Variants in REPS2 observed in about 807,000 individuals in gnomAD.
The protein encoded by REPS2 is ralBP1-associated Eps domain-containing protein 2.
A neutral mutation model predicts 53.6 loss-of-function variants in REPS2; 23 were observed. The observed-to-expected ratio is 0.43, with a 90% confidence interval of 0.31 to 0.61. The LOEUF (loss-of-function observed/expected upper bound fraction) is 0.61, where lower values mean the gene tolerates loss of function less well. Ranked by LOEUF, REPS2 falls within the 20% of genes least tolerant of loss-of-function variation. The pLI, the probability that REPS2 is intolerant of heterozygous loss-of-function variation, is 0.11. For missense variants in REPS2, 446 were observed against 534.9 expected (o/e 0.83, Z 1.64); for synonymous variants, 238 against 218.6 (o/e 1.09, Z -0.78).
the REPS2 span, among the ~76,000 whole-genome samples, chrX:17,178,304 C>G: frequency 1.2e-4 from 13 of 112,256 alleles, no homozygotes; most frequent in Non-Finnish European, 2.3e-4. Flanking sequence ...AGCTTTTCTG[C>G]CCAGCTAATC....
chrX:17,101,155 G>A (rs1334993002), intron 13 of REPS2, among the ~76,000 whole-genome samples: 3 of 105,490 alleles, frequency 2.8e-5, no homozygotes, highest in Admixed American at 1.0e-4. Context: ...TCGGGTTCAC[G>A]CCATTCTCCT....
rs529105275 is a variant in REPS2 at position 16,997,093 on chromosome X, C to A, written c.274-9128C>A. Among the ~76,000 whole-genome samples the A allele has an allele frequency of 1.9e-4, 21 of 112,235 alleles. No individual in the cohort carries two copies. The South Asian group carries it at 7.0e-3, about 37-fold the overall frequency. On this transcript the variant is annotated intron_variant, in intron 1 of 17. Transcript: ENST00000357277. ...CCAGTTAAAGCTTTATATAATTTGG[C>A]AGTACATTTGCGTTCACCTGAGATT...
chrX:16,959,128 T>C (rs1259669792), intron 1 of REPS2, among the ~76,000 whole-genome samples: 1 of 112,421 alleles, frequency 8.9e-6, no homozygotes, highest in Admixed American at 9.4e-5. Context: ...AGACAGGGTC[T>C]TGTTCTGTCA....
chrX:17,094,892 A>G (rs907058219), intron 13 of REPS2, among the ~76,000 whole-genome samples: 14 of 110,483 alleles, frequency 1.3e-4, no homozygotes, highest in Non-Finnish European at 2.3e-4. Context: ...TTTTCCCAAT[A>G]CCTTGAACAA....
chrX:17,136,774 C>T (rs1410993744), intron 16 of REPS2: 1 of 111,882 alleles, frequency 8.9e-6, no homozygotes, highest in Non-Finnish European at 1.9e-5. Flanking sequence ...TATATCCACG[C>T]CCATTAGCAA....
chrX:17,044,458 CT>C, intron 5 of REPS2: 3 of 119,666 alleles, frequency 2.5e-5, no homozygotes, highest in Non-Finnish European at 1.8e-5. Flanking sequence ...CTCTGGGCTC[CT>C]TTTTGACCGC....
At chrX:16,952,993 T>A (rs1207937692) in intron 1 of REPS2, among the ~76,000 whole-genome samples, 1 of 109,837 alleles carries the variant, frequency 9.1e-6, no homozygotes, top group Non-Finnish European at 1.9e-5. Flanking sequence ...GGAGAATTGC[T>A]TGAACCGGAG....
the REPS2 span, among the ~76,000 whole-genome samples, chrX:17,186,679 T>C: frequency 8.9e-6 from 1 of 112,183 alleles, no homozygotes; most frequent in Non-Finnish European, 1.9e-5. Flanking sequence ...AGTTATTGTG[T>C]CCGTTTCACA....
intron 1 of REPS2, among the ~76,000 whole-genome samples, chrX:16,959,475 A>G (rs1468699727): frequency 1.8e-5 from 2 of 111,990 alleles, no homozygotes; most frequent in Non-Finnish European, 3.8e-5. Context: ...TGGGAAACAT[A>G]CAACAGTGGA....
chrX:16,996,159 G>C (rs2061232540), intron 1 of REPS2, among the ~76,000 whole-genome samples: 1 of 111,394 alleles, frequency 9.0e-6, no homozygotes, highest in African/African-American at 3.3e-5. Context: ...ACGAGAGGAA[G>C]ACCAAGCCTT....
chrX:17,123,143 G>T (rs1379796892), intron 14 of REPS2, among the ~76,000 whole-genome samples: 2 of 111,784 alleles, frequency 1.8e-5, no homozygotes, highest in Non-Finnish European at 3.8e-5. Context: ...GGGTCTCTTT[G>T]GTTTGGCAAG....
At chrX:16,962,276 TACACACACACACACACACACAC>T (rs61520216) in intron 1 of REPS2, among the ~76,000 whole-genome samples, 65 of 81,859 alleles carry the variant, frequency 7.9e-4, no homozygotes, top group African/African-American at 2.6e-3. Context: ...TATCGTGGGA[TACACACACACACACACACACAC>T]ACACACACAC....
chrX:17,075,356 C>T (rs754680772), intron 12 of REPS2, among the ~76,000 whole-genome samples: 1 of 112,150 alleles, frequency 8.9e-6, no homozygotes, highest in South Asian at 3.7e-4. Context: ...CCCTGAAAGC[C>T]AGTGAAATTA....
At chrX:17,134,787 T>C (rs1290172615) in intron 15 of REPS2, among the ~76,000 whole-genome samples, 5 of 110,303 alleles carry the variant, frequency 4.5e-5, no homozygotes, top group African/African-American at 3.3e-5. Flanking sequence ...GCAGGCCGGC[T>C]AATTTTTTGT....
At chrX:17,033,550 CT>C (rs1216278269) in intron 5 of REPS2, among the ~76,000 whole-genome samples, 1 of 111,915 alleles carries the variant, frequency 8.9e-6, no homozygotes, top group Non-Finnish European at 1.9e-5. Context: ...TCTTTGACTT[CT>C]CTTTCTCTCC....
At chrX:17,159,844 C>T in the REPS2 span, among the ~76,000 whole-genome samples, 1 of 111,824 alleles carries the variant, frequency 8.9e-6, no homozygotes, top group African/African-American at 3.3e-5. Context: ...CCAAATTGAC[C>T]CTCCTCCTTT....
intron 4 of REPS2, 65 bp downstream of exon 4, chrX:17,025,250 C>T (rs1225162214): frequency 1.4e-5 from 15 of 1,060,629 alleles, no homozygotes; most frequent in African/African-American, 5.8e-5. Context: ...ATTTACCAGG[C>T]GGTAACGCTT....
intron 6 of REPS2, among the ~76,000 whole-genome samples, chrX:17,048,204 A>T (rs968518390): frequency 8.9e-6 from 1 of 112,770 alleles, no homozygotes; most frequent in Non-Finnish European, 1.9e-5. Context: ...GTAACCTGCC[A>T]TATTGAAGTG....
At chrX:16,988,242 C>T (rs1182245407) in intron 1 of REPS2, among the ~76,000 whole-genome samples, 1 of 111,635 alleles carries the variant, frequency 9.0e-6, no homozygotes, top group Non-Finnish European at 1.9e-5. Context: ...TGTATCACTG[C>T]ATTCTAGCCT....
Sources: allele counts gnomAD v4.1 joint callset (sites outside exome capture counted in the v4.1 genomes callset), GRCh38; gene constraint gnomAD v4.1.1; transcripts MANE v1.5; gene names NCBI Gene and HGNC (gene_info 2026-07-23, HGNC 2026-07-21).